The following METTL16 variants were observed in gnomAD, a reference collection of about 807,000 sequenced individuals.
METTL16 encodes methyltransferase 16, RNA N6-adenosine.
In METTL16, 19 loss-of-function variants were observed where a neutral mutation model predicts 57.9. That is an observed-to-expected ratio of 0.33 (90% CI 0.23 to 0.48). The LOEUF (loss-of-function observed/expected upper bound fraction) is 0.48, where lower values mean the gene tolerates loss of function less well. Ranked by LOEUF, METTL16 falls within the 20% of genes least tolerant of loss-of-function variation. The pLI, the probability that METTL16 is intolerant of heterozygous loss-of-function variation, is 0.99. For synonymous variants in METTL16, 246 were observed against 255.6 expected (o/e 0.96, Z 0.36); for missense variants, 434 against 691.5 (o/e 0.63, Z 4.18).
chr17:2,448,213 C>A (rs2067029444), intron 6 of METTL16, among the ~76,000 whole-genome samples: 1 of 150,358 alleles, frequency 6.7e-6, no homozygotes, highest in South Asian at 2.1e-4. Context: ...AGGAGCCCCT[C>A]TGCCCGGCCA....
At chr17:2,450,991 T>C (rs1294698450) in intron 6 of METTL16, among the ~76,000 whole-genome samples, 1 of 152,210 alleles carries the variant, frequency 6.6e-6, no homozygotes, top group African/African-American at 2.4e-5. Flanking sequence ...AAAACTGTTT[T>C]ATAGGTCAAA....
intron 6 of METTL16, 41 bp from the exon 7 acceptor site, chr17:2,441,600 G>A (rs2066952553): frequency 4.3e-6 from 6 of 1,391,156 alleles, no homozygotes; most frequent in Non-Finnish European, 5.8e-6. Context: ...CGGTTTATGT[G>A]GTTAAAATTT....
chr17:2,468,024 C>T, intron 4 of METTL16, 148 bp from the exon 5 acceptor site: 1 of 618,858 alleles, frequency 1.6e-6, no homozygotes, highest in South Asian at 1.9e-5. Context: ...TGTACCTTTT[C>T]TATGTTTGAT....
intron 6 of METTL16, chr17:2,455,160 C>T (rs1597452368): frequency 1.2e-5 from 2 of 164,126 alleles, no homozygotes; most frequent in South Asian, 2.6e-4. Context: ...GTTATCTTGG[C>T]TCACTGCAAC....
rs987973927 is a variant in METTL16, at chr17:2,418,592, TAACA to T, written c.*1374_*1377del. 3.3e-5 allele frequency: 5 copies of T among 152,250 alleles called. No individual in the cohort carries two copies. The highest frequency in any genetic ancestry group is 6.5e-5 in the Admixed American group (1 of 15,270). The allele number at this position is 152,250 out of a possible 1,614,324, so 9.4% of individuals were successfully genotyped here. ...ACAACAAGAGTAAAACTCCACCTCATAACAAACAATCAATCAAAAAGCCACTGGT... is the reference window on the plus strand; with the variant it reads ...ACAACAAGAGTAAAACTCCACCTCATAACAATCAATCAAAAAGCCACTGGT... On this transcript the variant is annotated 3_prime_UTR_variant, in exon 10 of 10. Transcript: ENST00000263092.
intron 3 of METTL16, 170 bp downstream of exon 3, chr17:2,477,516 G>A: frequency 1.1e-5 from 7 of 610,258 alleles, no homozygotes; most frequent in South Asian, 8.0e-5. Context: ...GTGCTCAAAG[G>A]TTGCAGATTT....
intron 3 of METTL16, 117 bp downstream of exon 3, chr17:2,477,569 T>A: frequency 1.3e-6 from 1 of 757,732 alleles, no homozygotes; most frequent in Non-Finnish European, 2.2e-6. Flanking sequence ...TCAACCTGTA[T>A]CTGTAGCCAG....
At chr17:2,456,030 C>G (rs1251804538) in intron 6 of METTL16, among the ~76,000 whole-genome samples, 1 of 151,888 alleles carries the variant, frequency 6.6e-6, no homozygotes, top group Non-Finnish European at 1.5e-5. Context: ...AAGGTAGTCC[C>G]TTATCTTTCA....
At chr17:2,473,407 C>T (rs2067247912) in intron 4 of METTL16, 117 bp downstream of exon 4, 1 of 1,166,412 alleles carries the variant, frequency 8.6e-7, no homozygotes, top group Non-Finnish European at 1.2e-6. Flanking sequence ...TTACAAAGTG[C>T]CAGATTTTTT....
At chr17:2,447,978 C>T (rs1387549091) in intron 6 of METTL16, among the ~76,000 whole-genome samples, 11 of 109,556 alleles carry the variant, frequency 1.0e-4, no homozygotes, top group East Asian at 2.8e-4. Context: ...CCTGGCCAGC[C>T]GCCCCGTCCG....
At chr17:2,486,858 T>G (rs2151573164) in intron 2 of METTL16, among the ~76,000 whole-genome samples, 1 of 151,760 alleles carries the variant, frequency 6.6e-6, no homozygotes, top group East Asian at 2.0e-4. Context: ...CATGCACCTG[T>G]GTTCCCAGCT....
chr17:2,494,135 T>A (rs1271140379), intron 2 of METTL16, among the ~76,000 whole-genome samples: 2 of 152,166 alleles, frequency 1.3e-5, no homozygotes, highest in Non-Finnish European at 2.9e-5. Context: ...AACCTCTATC[T>A]CCTGGGTTCA....
intron 2 of METTL16, among the ~76,000 whole-genome samples, chr17:2,497,670 G>A (rs1334276442): frequency 1.3e-5 from 2 of 151,528 alleles, no homozygotes; most frequent in Admixed American, 1.3e-4. Context: ...CAATGTTTGT[G>A]ACTTGCCAGG....
At chr17:2,511,310 A>G (rs1235426507) in intron 1 of METTL16, among the ~76,000 whole-genome samples, 2 of 151,654 alleles carry the variant, frequency 1.3e-5, no homozygotes, top group African/African-American at 4.9e-5. Flanking sequence ...CTTGATACAC[A>G]GCCTGTAAAA....
chr17:2,437,907 TAC>T (rs1200745966), intron 8 of METTL16, among the ~76,000 whole-genome samples, 200 bp downstream of exon 8: 1 of 152,198 alleles, frequency 6.6e-6, no homozygotes, highest in African/African-American at 2.4e-5. Context: ...CACTATGTTG[TAC>T]AGACTCACAG....
intron 4 of METTL16, among the ~76,000 whole-genome samples, chr17:2,471,588 G>C (rs1264216413): frequency 6.6e-6 from 1 of 152,066 alleles, no homozygotes. Flanking sequence ...AGGAGATCGA[G>C]ACCATCCTGG....
chr17:2,497,423 G>A (rs1420131450), intron 2 of METTL16, among the ~76,000 whole-genome samples: 1 of 139,954 alleles, frequency 7.1e-6, no homozygotes, highest in African/African-American at 2.7e-5. Flanking sequence ...AGCGATTCTC[G>A]TGCCTCAGCC....
At chr17:2,467,290 G>C (rs528028467) in intron 5 of METTL16, among the ~76,000 whole-genome samples, 1 of 152,130 alleles carries the variant, frequency 6.6e-6, no homozygotes, top group Non-Finnish European at 1.5e-5. Flanking sequence ...ACGGGCGGGG[G>C]ACTGCTTGAG....
At chr17:2,461,530 G>T (rs1044296687) in intron 6 of METTL16, among the ~76,000 whole-genome samples, 7 of 151,270 alleles carry the variant, frequency 4.6e-5, no homozygotes, top group African/African-American at 1.7e-4. Context: ...AGCCTGCAAA[G>T]ACCCTGTTTC....
Sources: gnomAD v4.1 joint callset for allele counts (sites outside exome capture counted in the v4.1 genomes callset) on GRCh38, gnomAD v4.1.1 for gene constraint, MANE v1.5 for transcripts, NCBI Gene and HGNC (gene_info 2026-07-23, HGNC 2026-07-21) for gene names.